Variants in RCAN2 observed in about 807,000 individuals in gnomAD.
The protein encoded by RCAN2 is regulator of calcineurin 2.
RCAN2 carries 9 observed loss-of-function variants against 23.6 expected under a neutral mutation model. The observed-to-expected ratio is 0.38, with a 90% CI of 0.23 to 0.67. The LOEUF (loss-of-function observed/expected upper bound fraction) is 0.67. RCAN2 is among the 30% of genes least tolerant of loss of function. The pLI is 0.51. For synonymous variants in RCAN2, 109 were observed against 115.7 expected, an observed-to-expected ratio of 0.94 and a Z score of 0.37; for missense variants, 273 against 302.3, an observed-to-expected ratio of 0.90 and a Z score of 0.72.
intron 2 of RCAN2, among the ~76,000 whole-genome samples, chr6:46,443,254 C>T (rs1767605672): frequency 1.3e-5 from 2 of 152,034 alleles, no homozygotes; most frequent in Admixed American, 6.6e-5. Flanking sequence ...GATCCATTTT[C>T]CCACCCTCAA....
intron 2 of RCAN2, among the ~76,000 whole-genome samples, chr6:46,384,037 C>A (rs1765678014): frequency 6.6e-6 from 1 of 152,212 alleles, no homozygotes; most frequent in South Asian, 2.1e-4. Flanking sequence ...CTCCCCCACC[C>A]AGCCAGGAGG....
intron 1 of RCAN2, among the ~76,000 whole-genome samples, chr6:46,477,472 C>G (rs1464893657): frequency 6.6e-6 from 1 of 152,160 alleles, no homozygotes; most frequent in Admixed American, 6.5e-5. Flanking sequence ...AGCTGTGGGG[C>G]TTTGGCAAGC....
At chr6:46,223,992 T>C (rs946753766) in intron 4 of RCAN2, among the ~76,000 whole-genome samples, 2 of 152,144 alleles carry the variant, frequency 1.3e-5, no homozygotes, top group African/African-American at 4.8e-5. Context: ...GGCTACAAGG[T>C]AGAATAAAAA....
intron 2 of RCAN2, among the ~76,000 whole-genome samples, chr6:46,420,271 G>A (rs914615098): frequency 6.6e-6 from 1 of 152,068 alleles, no homozygotes; most frequent in African/African-American, 2.4e-5. Context: ...AATTGAGTCT[G>A]ATTTTAAGAA....
At chr6:46,389,073 A>T (rs1413445303) in intron 2 of RCAN2, among the ~76,000 whole-genome samples, 1 of 152,200 alleles carries the variant, frequency 6.6e-6, no homozygotes, top group Non-Finnish European at 1.5e-5. Context: ...CTCTTTGGGC[A>T]ACTTTGAAGG....
chr6:46,336,314 G>T (rs1405472412), intron 2 of RCAN2, among the ~76,000 whole-genome samples: 2 of 152,212 alleles, frequency 1.3e-5, no homozygotes, highest in Non-Finnish European at 2.9e-5. Context: ...AGATGGGGTG[G>T]TTTTCAGAGA....
At chr6:46,318,502 A>G (rs1401610176) in intron 2 of RCAN2, among the ~76,000 whole-genome samples, 1 of 152,198 alleles carries the variant, frequency 6.6e-6, no homozygotes, top group African/African-American at 2.4e-5. Flanking sequence ...CAATAAAAAG[A>G]GAAGATAATG....
chr6:46,295,524 T>C (rs1762699944), intron 2 of RCAN2, among the ~76,000 whole-genome samples: 1 of 152,104 alleles, frequency 6.6e-6, no homozygotes, highest in African/African-American at 2.4e-5. Flanking sequence ...AGGGGTCACC[T>C]GTATCAAAAG....
chr6:46,266,343 A>G (rs1307484094), intron 2 of RCAN2, among the ~76,000 whole-genome samples: 1 of 152,192 alleles, frequency 6.6e-6, no homozygotes, highest in Non-Finnish European at 1.5e-5. Context: ...TACAATCACG[A>G]CATTGTTTTT....
chr6:46,351,894 G>T (rs1022471453), intron 2 of RCAN2, among the ~76,000 whole-genome samples: 2 of 152,196 alleles, frequency 1.3e-5, no homozygotes, highest in African/African-American at 4.8e-5. Context: ...ACTCAGTGTA[G>T]TTTACTTAGA....
At chr6:46,282,447 A>G (rs1304467296) in intron 2 of RCAN2, among the ~76,000 whole-genome samples, 1 of 149,032 alleles carries the variant, frequency 6.7e-6, no homozygotes, top group African/African-American at 2.5e-5. Flanking sequence ...ACTGCACTCC[A>G]GCCTGGGTGA....
chr6:46,479,372 A>T (rs1768795451), intron 1 of RCAN2, among the ~76,000 whole-genome samples: 1 of 152,220 alleles, frequency 6.6e-6, no homozygotes, highest in Non-Finnish European at 1.5e-5. Flanking sequence ...CTCTAAAATC[A>T]TCAAATGCCA....
At position 46,343,315 on chromosome 6, in the gene RCAN2, AG is replaced by A. The variant is rs1257823263; in HGVS notation, c.226-94420del. On this transcript the variant is annotated intron_variant, in intron 2 of 4. Transcript: ENST00000371374. ...AGCAAAAGATGACCTTCAAACATGA[AG>A]GTAAACCCTTATGTATTTCACGTGA... is the stretch of plus-strand genomic sequence containing the variant. Among the ~76,000 whole-genome samples, 5 of 152,302 alleles carry A rather than the reference AG, an allele frequency of 3.3e-5. No homozygotes were observed. The South Asian group carries it at 6.2e-4, about 19-fold the overall frequency.
chr6:46,376,213 T>A (rs1458465280), intron 2 of RCAN2, among the ~76,000 whole-genome samples: 1 of 152,236 alleles, frequency 6.6e-6, no homozygotes, highest in Non-Finnish European at 1.5e-5. Context: ...CACAAGAACA[T>A]CACAGCCCTC....
chr6:46,228,998 G>A (rs1482504787), intron 4 of RCAN2, among the ~76,000 whole-genome samples: 1 of 152,108 alleles, frequency 6.6e-6, no homozygotes, highest in Non-Finnish European at 1.5e-5. Flanking sequence ...TTGCTTGTCT[G>A]TAAAGTATTT....
intron 2 of RCAN2, among the ~76,000 whole-genome samples, chr6:46,405,910 C>T (rs561157228): frequency 2.6e-5 from 4 of 152,328 alleles, no homozygotes; most frequent in Non-Finnish European, 5.9e-5. Context: ...AGCCCTGCCC[C>T]GCGGGAAGGC....
At chr6:46,295,428 G>A (rs7766177) in intron 2 of RCAN2, among the ~76,000 whole-genome samples, 6,667 of 152,194 alleles carry the variant, frequency 0.044, 499 homozygotes, top group African/African-American at 0.15. Context: ...TGAGAATGGA[G>A]ATGAGTAGTA....
intron 4 of RCAN2, among the ~76,000 whole-genome samples, chr6:46,244,376 A>G (rs1766437437): frequency 6.6e-6 from 1 of 151,060 alleles, no homozygotes; most frequent in Admixed American, 6.6e-5. Context: ...CCTAATTTCC[A>G]TCCCATCTGT....
At chr6:46,355,264 T>C (rs1764792843) in intron 2 of RCAN2, among the ~76,000 whole-genome samples, 1 of 152,290 alleles carries the variant, frequency 6.6e-6, no homozygotes, top group East Asian at 1.9e-4. Flanking sequence ...GTGAACATGA[T>C]GGAAACTATG....
Sources: allele counts gnomAD v4.1 joint callset (sites outside exome capture counted in the v4.1 genomes callset), GRCh38; gene constraint gnomAD v4.1.1; transcripts MANE v1.5; gene names NCBI Gene and HGNC (gene_info 2026-07-23, HGNC 2026-07-21).